XKR4: variants seen among roughly 807,000 people sequenced by gnomAD.
XKR4 encodes XK related 4.
Under a neutral mutation model 53.9 loss-of-function variants are expected in XKR4, and 12 were observed. The ratio of observed to expected loss-of-function variants is 0.22; its 90% confidence interval spans 0.14 to 0.36. The LOEUF is 0.36. Ranked by LOEUF, XKR4 falls within the 10% of genes least tolerant of loss-of-function variation. XKR4 has a pLI of 1.00. For synonymous variants in XKR4, 354 were observed against 362.4 expected (o/e 0.98, Z 0.26); for missense variants, 799 against 859.5 (o/e 0.93, Z 0.88).
rs755391045 is a variant in XKR4 at position 55,103,334 on chromosome 8, C to T, written c.806+40C>T. ...GGGGGAAAAGGGAGGCTTGCTGCTGCTACTACATCCCCACTGCTTTGCTTT... is the reference window on the plus strand; with the variant it reads ...GGGGGAAAAGGGAGGCTTGCTGCTGTTACTACATCCCCACTGCTTTGCTTT... On this transcript the variant is annotated intron_variant, in intron 1 of 2. Coordinates refer to ENST00000327381, the MANE Select transcript of XKR4 (RefSeq NM_052898.2). The T allele has an allele frequency of 9.7e-6, 15 of 1,550,824 alleles. No individual in the cohort carries two copies. The South Asian group carries it at 1.9e-4, about 19-fold the overall frequency.
chr8:55,482,567 A>G (rs1806127233), intron 2 of XKR4, among the ~76,000 whole-genome samples: 2 of 152,102 alleles, frequency 1.3e-5, no homozygotes, highest in African/African-American at 4.8e-5. Flanking sequence ...TTAAAAATAA[A>G]TAAATAAATA....
At chr8:55,140,236 T>C in intron 1 of XKR4, 1 of 350,328 alleles carries the variant, frequency 2.9e-6, no homozygotes, top group South Asian at 2.2e-5. Context: ...AATGATTAGT[T>C]TCAAATCATA....
chr8:55,293,402 C>A (rs369705976), intron 1 of XKR4, among the ~76,000 whole-genome samples: 6 of 151,912 alleles, frequency 3.9e-5, no homozygotes, highest in African/African-American at 1.5e-4. Flanking sequence ...GGAACAAGTG[C>A]GAAATTATAA....
intron 1 of XKR4, among the ~76,000 whole-genome samples, chr8:55,348,721 C>CACACAG (rs1426209046): frequency 1.5e-4 from 23 of 150,040 alleles, no homozygotes; most frequent in African/African-American, 5.4e-4. Context: ...CACACACACA[C>CACACAG]AGAGAGAGAG....
intron 1 of XKR4, among the ~76,000 whole-genome samples, chr8:55,291,298 T>G (rs1819016259): frequency 6.6e-6 from 1 of 152,232 alleles, no homozygotes. Flanking sequence ...TTGTGTGGAC[T>G]GATTCTTCTC....
intron 2 of XKR4, among the ~76,000 whole-genome samples, chr8:55,429,104 C>A (rs1024474994): frequency 1.3e-5 from 2 of 152,150 alleles, no homozygotes; most frequent in African/African-American, 4.8e-5. Context: ...AATATATAGA[C>A]ACACAATATA....
intron 1 of XKR4, among the ~76,000 whole-genome samples, chr8:55,135,957 G>C (rs964416694): frequency 6.6e-6 from 1 of 150,556 alleles, no homozygotes; most frequent in African/African-American, 2.4e-5. Flanking sequence ...GCAGTGGCAC[G>C]ATCTTGGCTC....
chr8:55,447,581 C>A (rs1805365413), intron 2 of XKR4, among the ~76,000 whole-genome samples: 1 of 152,168 alleles, frequency 6.6e-6, no homozygotes, highest in South Asian at 2.1e-4. Context: ...TATCATTATT[C>A]TTTCATTAAG....
chr8:55,159,200 C>A (rs1816950048), intron 1 of XKR4, among the ~76,000 whole-genome samples: 1 of 152,152 alleles, frequency 6.6e-6, no homozygotes, highest in Admixed American at 6.5e-5. Context: ...AGATATTTCA[C>A]CACCCTGGTT....
intron 1 of XKR4, among the ~76,000 whole-genome samples, chr8:55,217,642 G>A (rs1467863557): frequency 6.6e-6 from 1 of 152,194 alleles, no homozygotes; most frequent in Non-Finnish European, 1.5e-5. Flanking sequence ...ATGAGTCATT[G>A]ACAACTAAAA....
chr8:55,454,597 GC>G, intron 2 of XKR4: 1 of 1,401,408 alleles, frequency 7.1e-7, no homozygotes, highest in Non-Finnish European at 9.9e-7. Context: ...CCGGTCACCA[GC>G]CCCCAAATAA....
At chr8:55,209,872 T>A (rs145158881) in intron 1 of XKR4, among the ~76,000 whole-genome samples, 183 of 152,322 alleles carry the variant, frequency 1.2e-3, no homozygotes, top group African/African-American at 4.3e-3. Flanking sequence ...CCATGCCTTT[T>A]TCTGATTTTG....
intron 1 of XKR4, among the ~76,000 whole-genome samples, chr8:55,250,172 T>C (rs1818344761): frequency 6.6e-6 from 1 of 152,236 alleles, no homozygotes; most frequent in South Asian, 2.1e-4. Flanking sequence ...AAAGTTGCTA[T>C]GGCTTCCTAA....
intron 2 of XKR4, chr8:55,450,384 G>A (rs1805419536): frequency 6.4e-6 from 4 of 621,804 alleles, no homozygotes; most frequent in South Asian, 1.9e-5. Context: ...CTGTGTCCTC[G>A]GGTGCATTCA....
chr8:55,456,893 T>C (rs1031370677), intron 2 of XKR4, among the ~76,000 whole-genome samples: 13 of 152,024 alleles, frequency 8.6e-5, no homozygotes, highest in Admixed American at 4.6e-4. Flanking sequence ...TCCTCCAAAA[T>C]TTGATGAAAG....
At chr8:55,430,707 T>C (rs1876239) in intron 2 of XKR4, among the ~76,000 whole-genome samples, 33,235 of 152,160 alleles carry the variant, frequency 0.22, 9,402 homozygotes, top group African/African-American at 0.66. Flanking sequence ...TATATCTCAC[T>C]GTTCTGGAGT....
At chr8:55,281,675 G>A (rs1477391385) in intron 1 of XKR4, among the ~76,000 whole-genome samples, 2 of 152,218 alleles carry the variant, frequency 1.3e-5, no homozygotes, top group Admixed American at 6.5e-5. Flanking sequence ...GGAACCCTGA[G>A]GGAAGTATCT....
intron 2 of XKR4, among the ~76,000 whole-genome samples, chr8:55,458,831 T>C (rs1805608318): frequency 6.6e-6 from 1 of 152,130 alleles, no homozygotes; most frequent in African/African-American, 2.4e-5. Flanking sequence ...GCCTAGGGTT[T>C]ATATGGGTGC....
At chr8:55,473,205 C>T (rs1385890408) in intron 2 of XKR4, among the ~76,000 whole-genome samples, 1 of 152,088 alleles carries the variant, frequency 6.6e-6, no homozygotes, top group African/African-American at 2.4e-5. Flanking sequence ...CAAAAAATAC[C>T]TTCTGTATAG....
Sources: gnomAD v4.1 joint callset for allele counts (sites outside exome capture counted in the v4.1 genomes callset) on GRCh38, gnomAD v4.1.1 for gene constraint, MANE v1.5 for transcripts, NCBI Gene and HGNC (gene_info 2026-07-23, HGNC 2026-07-21) for gene names.